EYA2: variants seen among roughly 807,000 people sequenced by gnomAD.
EYA2 encodes the protein protein phosphatase EYA2.
EYA2 carries 31 observed loss-of-function variants against 69.2 expected under a neutral mutation model. That is an observed-to-expected ratio of 0.45 (90% confidence interval 0.34 to 0.60). EYA2 has a LOEUF of 0.60. Among genes scored for constraint, EYA2 ranks in the 20% least tolerant of loss-of-function variants. The pLI, the probability that EYA2 is intolerant of heterozygous loss-of-function variation, is 0.02. For missense variants in EYA2, 622 were observed against 701.2 expected, an observed-to-expected ratio of 0.89 and a Z score of 1.28; for synonymous variants, 257 against 279.4, an observed-to-expected ratio of 0.92 and a Z score of 0.80.
At chr20:47,112,417 G>A (rs2032771297) in intron 9 of EYA2, among the ~76,000 whole-genome samples, 1 of 152,166 alleles carries the variant, frequency 6.6e-6, no homozygotes, top group Non-Finnish European at 1.5e-5. Context: ...AACAAGCCTT[G>A]TGGAACTTTT....
intron 1 of EYA2, among the ~76,000 whole-genome samples, chr20:46,964,757 A>G (rs1250212919): frequency 6.6e-6 from 1 of 152,188 alleles, no homozygotes; most frequent in Non-Finnish European, 1.5e-5. Flanking sequence ...TACTTGCCCA[A>G]GGTCACAGCG....
intron 5 of EYA2, among the ~76,000 whole-genome samples, chr20:47,016,729 C>T (rs1352569100): frequency 6.6e-6 from 1 of 152,188 alleles, no homozygotes; most frequent in Non-Finnish European, 1.5e-5. Context: ...GAGGGAACAG[C>T]CTGTACAAAC....
At chr20:47,007,843 G>T (rs1267258431) in intron 4 of EYA2, among the ~76,000 whole-genome samples, 3 of 151,928 alleles carry the variant, frequency 2.0e-5, no homozygotes, top group African/African-American at 7.3e-5. Context: ...GCCCAGGCTG[G>T]TCTTGAACTT....
At chr20:47,082,923 G>A (rs1006777501) in intron 7 of EYA2, among the ~76,000 whole-genome samples, 2 of 151,950 alleles carry the variant, frequency 1.3e-5, no homozygotes, top group Non-Finnish European at 2.9e-5. Context: ...GTTGGGTGCC[G>A]TGGCTCGTGC....
At chr20:47,008,762 C>G (rs1382358247) in intron 4 of EYA2, among the ~76,000 whole-genome samples, 1 of 152,198 alleles carries the variant, frequency 6.6e-6, no homozygotes, top group Non-Finnish European at 1.5e-5. Flanking sequence ...TTGCAGGCTG[C>G]AAGACCCTGA....
chr20:46,928,830 A>G (rs6066121), intron 1 of EYA2, among the ~76,000 whole-genome samples: 66,272 of 152,036 alleles, frequency 0.44, 15,399 homozygotes, highest in East Asian at 0.83. Flanking sequence ...AGGGACTGCT[A>G]TACAGACAGA....
intron 9 of EYA2, among the ~76,000 whole-genome samples, chr20:47,122,826 A>C (rs940063403): frequency 7.2e-5 from 11 of 152,290 alleles, no homozygotes; most frequent in Admixed American, 7.2e-4. Flanking sequence ...CTTTTGTGCT[A>C]CCGCAGCAGA....
rs78933022 is a variant in EYA2 at position 47,015,610 on chromosome 20, G to A, written c.299-571G>A. On this transcript the variant is annotated intron_variant, in intron 4 of 15. Coordinates refer to ENST00000327619, the MANE Select transcript of EYA2 (RefSeq NM_005244.5). ...AGCTGGCAGGTAGCATGAAGCTCACGGTGGCATGTACAAAATATGAGACCT... is the reference window on the plus strand; with the variant it reads ...AGCTGGCAGGTAGCATGAAGCTCACAGTGGCATGTACAAAATATGAGACCT... Among the ~76,000 whole-genome samples the A allele has an allele frequency of 8.7e-4, 132 of 152,106 alleles. 1 individual carries two copies. Among genetic ancestry groups the A allele is most frequent in the African/African-American group, 3.0e-3 (123 of 41,500 alleles).
intron 3 of EYA2, among the ~76,000 whole-genome samples, chr20:47,001,894 T>C (rs193035420): frequency 6.6e-6 from 1 of 151,904 alleles, no homozygotes; most frequent in East Asian, 1.9e-4. Context: ...CTTTCTCCTT[T>C]CCTCATTCCT....
intron 5 of EYA2, among the ~76,000 whole-genome samples, chr20:47,062,074 C>T (rs1419617056): frequency 6.6e-6 from 1 of 152,168 alleles, no homozygotes; most frequent in Non-Finnish European, 1.5e-5. Context: ...AAAACATCAC[C>T]CTGACACATT....
chr20:46,978,340 T>C (rs1038073953), intron 1 of EYA2: 8 of 331,968 alleles, frequency 2.4e-5, no homozygotes, highest in Admixed American at 1.9e-4. Context: ...GTGTGTGTGA[T>C]AGAGGGCCAT....
intron 9 of EYA2, among the ~76,000 whole-genome samples, chr20:47,112,297 A>G (rs2032767484): frequency 6.6e-6 from 1 of 152,188 alleles, no homozygotes; most frequent in African/African-American, 2.4e-5. Flanking sequence ...AATTATAACC[A>G]TGCAATTTAG....
At chr20:47,012,167 C>T (rs979591570) in intron 4 of EYA2, among the ~76,000 whole-genome samples, 6 of 152,224 alleles carry the variant, frequency 3.9e-5, no homozygotes, top group Non-Finnish European at 8.8e-5. Flanking sequence ...TTGACACCCT[C>T]TCTGAAATCC....
intron 5 of EYA2, among the ~76,000 whole-genome samples, chr20:47,019,752 T>G (rs118011138): frequency 0.011 from 1,729 of 151,890 alleles, 15 homozygotes; most frequent in Non-Finnish European, 0.014. Context: ...TATTTATTGC[T>G]TGAGTCCAGG....
chr20:47,139,384 A>C (rs891260429), intron 9 of EYA2, among the ~76,000 whole-genome samples: 2 of 152,258 alleles, frequency 1.3e-5, no homozygotes, highest in African/African-American at 4.8e-5. Flanking sequence ...GCCCAGGGGC[A>C]ACAACTCTTG....
chr20:47,136,704 C>T (rs2033483704), intron 9 of EYA2, among the ~76,000 whole-genome samples: 1 of 150,630 alleles, frequency 6.6e-6, no homozygotes, highest in Non-Finnish European at 1.5e-5. Context: ...GGTCACACCA[C>T]TGCACCCCAG....
At chr20:47,072,063 G>A in intron 5 of EYA2, 122 bp from the exon 6 acceptor site, 1 of 872,320 alleles carries the variant, frequency 1.1e-6, no homozygotes, top group Non-Finnish European at 1.9e-6. Context: ...AGGAACCAGA[G>A]CTTCTGCCCA....
intron 10 of EYA2, among the ~76,000 whole-genome samples, chr20:47,164,061 C>A (rs186508444): frequency 3.5e-4 from 54 of 152,272 alleles, no homozygotes; most frequent in African/African-American, 1.3e-3. Flanking sequence ...AAGCACCCTG[C>A]AGTTCGTGTG....
chr20:46,951,645 G>A (rs1333298), intron 1 of EYA2, among the ~76,000 whole-genome samples: 59,518 of 152,072 alleles, frequency 0.39, 12,707 homozygotes, highest in Admixed American at 0.55. Flanking sequence ...ACTCTCAGGC[G>A]TCAGAGGACT....
Sources: gnomAD v4.1 joint callset for allele counts (sites outside exome capture counted in the v4.1 genomes callset) on GRCh38, gnomAD v4.1.1 for gene constraint, MANE v1.5 for transcripts, NCBI Gene and HGNC (gene_info 2026-07-23, HGNC 2026-07-21) for gene names.